The following STXBP5L variants were observed in gnomAD, a reference collection of about 807,000 sequenced individuals.
The protein encoded by STXBP5L is syntaxin-binding protein 5-like.
Under a neutral mutation model 144.5 loss-of-function variants are expected in STXBP5L, and 65 were observed. The ratio of observed to expected loss-of-function variants is 0.45; its 90% CI spans 0.37 to 0.55. The LOEUF is 0.55. Among genes scored for constraint, STXBP5L ranks in the 20% least tolerant of loss-of-function variants. The pLI, the probability that STXBP5L is intolerant of heterozygous loss-of-function variation, is 0.00. For missense variants in STXBP5L, 1,298 were observed against 1,405.5 expected (o/e 0.92, Z 1.22); for synonymous variants, 505 against 469.6 (o/e 1.08, Z -0.97).
intron 7 of STXBP5L, among the ~76,000 whole-genome samples, chr3:121,134,641 T>A (rs1273861960): frequency 1.3e-5 from 2 of 151,672 alleles, no homozygotes; most frequent in African/African-American, 2.4e-5. Context: ...CGCCTATGAG[T>A]GAGAACATGT....
chr3:121,268,832 A>T (rs2050654228), intron 18 of STXBP5L, among the ~76,000 whole-genome samples: 1 of 152,104 alleles, frequency 6.6e-6, no homozygotes, highest in Non-Finnish European at 1.5e-5. Flanking sequence ...AACTAAACTG[A>T]TTTCATTTAT....
rs1346411547 is a variant in STXBP5L, at chr3:121,152,491, T to C, written c.684T>C (p.Tyr228=). The C allele has an allele frequency of 1.9e-6, 3 of 1,604,974 alleles. No homozygotes were observed. The highest frequency in any genetic ancestry group is 2.2e-5 in the East Asian group (1 of 44,636). ...PRDEGKLLIG[Y]ENGTVVFWDL... ...ATGTTTTCCAGCTGCTAATAGGTTA[T>C]GAAAATGGTACTGTAGTATTCTGGG... is the stretch of plus-strand genomic sequence containing the variant. Residue 228 remains tyrosine (Y), a synonymous_variant, in exon 8 of 27, where the codon TAT becomes TAC. Transcript: ENST00000471454.
intron 9 of STXBP5L, among the ~76,000 whole-genome samples, chr3:121,184,142 C>G (rs953752705): frequency 6.6e-6 from 1 of 151,706 alleles, no homozygotes; most frequent in South Asian, 2.1e-4. Flanking sequence ...TTCAATAAAC[C>G]AGAATGCCTC....
In STXBP5L at chr3:121,071,284, A is replaced by G. The variant is rs2041801601; in HGVS notation, c.470+25749A>G. Among the ~76,000 whole-genome samples, 3 of 152,254 alleles carry G rather than the reference A, an allele frequency of 2.0e-5. No individual in the cohort carries two copies. In the South Asian group the frequency reaches 6.2e-4, roughly 31 times the overall value. On this transcript the variant is annotated intron_variant, in intron 5 of 26. Transcript: ENST00000471454. ...AGTAAACATATAACTATGTTTGTAC[A>G]TTTAACCCGCATTTAGTTATCTATC... is the stretch of plus-strand genomic sequence containing the variant.
chr3:121,255,268 T>C (rs566334914), intron 16 of STXBP5L, among the ~76,000 whole-genome samples, 156 bp downstream of exon 16: 92 of 152,262 alleles, frequency 6.0e-4, no homozygotes, highest in Non-Finnish European at 1.2e-3. Context: ...TTACTTACTA[T>C]AACATATTAA....
At chr3:121,154,982 G>C (rs967763858) in intron 8 of STXBP5L, among the ~76,000 whole-genome samples, 2 of 151,706 alleles carry the variant, frequency 1.3e-5, no homozygotes, top group Non-Finnish European at 3.0e-5. Flanking sequence ...CAATGTCCTA[G>C]TTTAAGTTGT....
chr3:121,404,785 TTTCCTGAACCCTAA>T (rs1463900363), intron 22 of STXBP5L, among the ~76,000 whole-genome samples: 2 of 152,162 alleles, frequency 1.3e-5, no homozygotes, highest in African/African-American at 4.8e-5. Flanking sequence ...TTTGTGCTGG[TTTCCTGAACCCTAA>T]TTCCCACAGG....
In STXBP5L at chr3:120,998,051, C is replaced by G. The variant is rs139491259; in HGVS notation, c.287+43014C>G. Among the ~76,000 whole-genome samples, 388 of 152,260 alleles carry G rather than the reference C, an allele frequency of 2.5e-3. 4 individuals are homozygous for G. Among genetic ancestry groups the G allele is most frequent in the African/African-American group, 8.7e-3 (362 of 41,560 alleles). Reference sequence around the variant, plus strand: ...TCAAGATCCCTTCATGTTAAAAACCCTCAACAAACAAAGCATTGAAGGAAC... The same window carrying G: ...TCAAGATCCCTTCATGTTAAAAACCGTCAACAAACAAAGCATTGAAGGAAC... On this transcript the variant is annotated intron_variant, in intron 3 of 26. Transcript: ENST00000471454.
At chr3:121,119,157 A>G (rs1392544230) in intron 6 of STXBP5L, among the ~76,000 whole-genome samples, 4 of 151,530 alleles carry the variant, frequency 2.6e-5, no homozygotes, top group African/African-American at 2.4e-5. Context: ...ATGACTTTCT[A>G]TTATTTAAAA....
chr3:121,205,457 A>C (rs964852034), intron 9 of STXBP5L, among the ~76,000 whole-genome samples: 1 of 152,088 alleles, frequency 6.6e-6, no homozygotes, highest in Admixed American at 6.6e-5. Flanking sequence ...TGTCCTAATC[A>C]CCTCTTAAAA....
chr3:121,200,496 T>A (rs559543145), intron 9 of STXBP5L, among the ~76,000 whole-genome samples: 11 of 152,364 alleles, frequency 7.2e-5, no homozygotes, highest in African/African-American at 2.4e-4. Flanking sequence ...CACTCTGAAC[T>A]TAGTTATTTC....
intron 3 of STXBP5L, among the ~76,000 whole-genome samples, chr3:121,032,167 G>C (rs1045720191): frequency 2.0e-5 from 3 of 151,362 alleles, no homozygotes; most frequent in African/African-American, 4.9e-5. Context: ...GGTATGAAAA[G>C]AAGTAGGTCT....
chr3:121,383,569 G>A (rs2046364545), intron 22 of STXBP5L, among the ~76,000 whole-genome samples: 1 of 152,022 alleles, frequency 6.6e-6, no homozygotes, highest in Admixed American at 6.6e-5. Flanking sequence ...GTTGAATAAA[G>A]ATGTATATAA....
chr3:120,947,351 T>C (rs956960410), intron 2 of STXBP5L, among the ~76,000 whole-genome samples: 1 of 151,822 alleles, frequency 6.6e-6, no homozygotes, highest in Non-Finnish European at 1.5e-5. Context: ...ATGTCCTTGA[T>C]TCTTTTGAAA....
intron 7 of STXBP5L, among the ~76,000 whole-genome samples, chr3:121,145,698 A>T (rs2045688486): frequency 6.6e-6 from 1 of 152,080 alleles, no homozygotes; most frequent in Admixed American, 6.6e-5. Context: ...TATATTGAGA[A>T]TTATGATACA....
intron 5 of STXBP5L, among the ~76,000 whole-genome samples, chr3:121,083,054 G>A (rs1329005124): frequency 6.6e-6 from 1 of 151,748 alleles, no homozygotes; most frequent in African/African-American, 2.4e-5. Flanking sequence ...ACAAAAATTA[G>A]CTGGGTGTGG....
chr3:121,044,113 A>AAAT (rs1947346220), intron 4 of STXBP5L, among the ~76,000 whole-genome samples: 1 of 152,214 alleles, frequency 6.6e-6, no homozygotes, highest in Non-Finnish European at 1.5e-5. Context: ...TCATTGAAGG[A>AAAT]AATTATCTGA....
intron 20 of STXBP5L, among the ~76,000 whole-genome samples, chr3:121,356,297 G>C (rs781665606): frequency 3.3e-5 from 5 of 152,262 alleles, no homozygotes; most frequent in Admixed American, 6.5e-5. Flanking sequence ...CCTGCCCACA[G>C]AGGAGAAGTC....
intron 20 of STXBP5L, among the ~76,000 whole-genome samples, chr3:121,319,189 A>G (rs550208369): frequency 5.3e-5 from 8 of 152,092 alleles, no homozygotes; most frequent in Non-Finnish European, 7.4e-5. Flanking sequence ...TGATTTTTCT[A>G]TAATGTATAT....
Sources: gnomAD v4.1 joint callset for allele counts (sites outside exome capture counted in the v4.1 genomes callset) on GRCh38, gnomAD v4.1.1 for gene constraint, MANE v1.5 for transcripts, NCBI Gene and HGNC (gene_info 2026-07-23, HGNC 2026-07-21) for gene names.